C5: variants seen among roughly 807,000 people sequenced by gnomAD.
The protein encoded by C5 is complement C5, also known as C3 and PZP-like alpha-2-macroglobulin domain-containing protein 4.
In C5, 140 loss-of-function variants were observed where a neutral mutation model predicts 218.8. The observed-to-expected ratio is 0.64, with a 90% confidence interval of 0.56 to 0.74. The LOEUF (loss-of-function observed/expected upper bound fraction) is 0.74, where lower values mean the gene tolerates loss of function less well. C5 is among the 30% of genes least tolerant of loss of function. C5 has a pLI of 0.00. For synonymous variants in C5, 614 were observed against 682.3 expected (o/e 0.90, Z 1.56); for missense variants, 1,700 against 1,969.6 (o/e 0.86, Z 2.59).
intron 30 of C5, among the ~76,000 whole-genome samples, chr9:120,973,022 A>T (rs2046926442): frequency 6.6e-6 from 1 of 152,166 alleles, no homozygotes; most frequent in African/African-American, 2.4e-5. Context: ...TTAATCACAT[A>T]CATGTTACAG....
chr9:121,013,196 T>C (rs958639306), intron 17 of C5, among the ~76,000 whole-genome samples: 2 of 151,964 alleles, frequency 1.3e-5, no homozygotes, highest in African/African-American at 4.8e-5. Flanking sequence ...GGCAGGCGCC[T>C]TTAATCCCAG....
At chr9:120,988,116 T>C (rs1035762721) in intron 25 of C5, among the ~76,000 whole-genome samples, 1 of 152,204 alleles carries the variant, frequency 6.6e-6, no homozygotes, top group Non-Finnish European at 1.5e-5. Context: ...TAGACTGCCA[T>C]ATGGACTCTT....
At chr9:121,046,419 T>C (rs749521885) in intron 1 of C5, 36 bp from the exon 2 acceptor site, 1 of 1,398,754 alleles carries the variant, frequency 7.1e-7, no homozygotes, top group South Asian at 1.2e-5. Flanking sequence ...TCAATGTCTT[T>C]ATATGACATA....
chr9:121,009,898 T>A (rs2047247714), intron 17 of C5, among the ~76,000 whole-genome samples: 1 of 152,218 alleles, frequency 6.6e-6, no homozygotes, highest in East Asian at 1.9e-4. Flanking sequence ...TGTTGCACTG[T>A]CACGGTGGAA....
intron 33 of C5, among the ~76,000 whole-genome samples, chr9:120,965,479 C>A (rs1453828120): frequency 6.6e-6 from 1 of 151,806 alleles, no homozygotes; most frequent in Non-Finnish European, 1.5e-5. Context: ...GAGATCGCAC[C>A]ACTGCACTCT....
chr9:121,017,306 C>T (rs2047315748), intron 14 of C5, 56 bp downstream of exon 14: 2 of 1,603,258 alleles, frequency 1.2e-6, no homozygotes, highest in Non-Finnish European at 8.5e-7. Flanking sequence ...TCCTCCATAT[C>T]CTAGCCTGGT....
At chr9:121,005,792 AGT>A (rs762052320) in intron 20 of C5, 125 bp downstream of exon 20, 4 of 868,838 alleles carry the variant, frequency 4.6e-6, no homozygotes, top group Admixed American at 1.9e-5. Flanking sequence ...GCTCATTTTA[AGT>A]GTTTGGTTTC....
chr9:121,055,231 A>T (rs930354926), upstream of C5, among the ~76,000 whole-genome samples: 9 of 152,142 alleles, frequency 5.9e-5, no homozygotes, highest in African/African-American at 2.2e-4. Flanking sequence ...ATACTTCCTC[A>T]GAACCTCTTA....
chr9:121,041,494 AG>A (rs1393715179), intron 3 of C5, among the ~76,000 whole-genome samples: 2 of 151,540 alleles, frequency 1.3e-5, no homozygotes, highest in Non-Finnish European at 2.9e-5. Context: ...TAGTAGAGAC[AG>A]GGTTTCACCA....
intron 9 of C5, among the ~76,000 whole-genome samples, chr9:121,025,161 G>A (rs988814053): frequency 6.6e-6 from 1 of 152,150 alleles, no homozygotes; most frequent in African/African-American, 2.4e-5. Context: ...TCAAGGCAGA[G>A]AGCCTGCAGA....
intron 37 of C5, 149 bp downstream of exon 37, chr9:120,961,333 C>T: frequency 4.4e-6 from 3 of 677,938 alleles, no homozygotes; most frequent in South Asian, 1.6e-5. Context: ...TTACAATGCT[C>T]AAGGAATCAT....
chr9:121,016,882 T>G (rs1211963675), intron 14 of C5, among the ~76,000 whole-genome samples: 1 of 152,186 alleles, frequency 6.6e-6, no homozygotes, highest in East Asian at 1.9e-4. Flanking sequence ...TTCTCAGTCC[T>G]TCCTTCCTTG....
chr9:121,057,249 T>C, the C5 span, among the ~76,000 whole-genome samples: 1 of 152,132 alleles, frequency 6.6e-6, no homozygotes, highest in South Asian at 2.1e-4. Flanking sequence ...GAAAAGGCTA[T>C]TAATGAGCAA....
At chr9:120,999,273 G>A (rs186035504) in intron 20 of C5, among the ~76,000 whole-genome samples, 1 of 152,122 alleles carries the variant, frequency 6.6e-6, no homozygotes, top group South Asian at 2.1e-4. Flanking sequence ...CAAACTACCT[G>A]CAGATACTAG....
rs374700529 is a variant in C5 at position 120,988,303 on chromosome 9, G to A, written c.3230+743C>T. 5.4e-4 allele frequency among the ~76,000 whole-genome samples: 82 copies of A among 152,306 alleles called. No homozygotes were observed. The South Asian group carries it at 0.015, about 28-fold the overall frequency. ...GGGGAGATACACAATAGTGGAATAA[G>A]CAAGAACGTTAGTAATCACACTGAG... is the stretch of plus-strand genomic sequence containing the variant. On this transcript the variant is annotated intron_variant, in intron 25 of 40. Coordinates refer to ENST00000223642, the MANE Select transcript of C5 (RefSeq NM_001735.3).
chr9:120,952,677 A>G lies in C5; in HGVS notation c.*62T>C. The G allele has an allele frequency of 6.3e-7, 1 of 1,582,640 alleles. No homozygotes were observed. The highest frequency in any genetic ancestry group is 8.6e-7 in the Non-Finnish European group (1 of 1,157,526). On this transcript the variant is annotated 3_prime_UTR_variant, in exon 41 of 41. Transcript: ENST00000223642. ...TGTTTAAAAAAAGAAGAAAACAAAAAAACGAACTTCAACAACAGGAGTCCA... is the reference window on the plus strand; with the variant it reads ...TGTTTAAAAAAAGAAGAAAACAAAAGAACGAACTTCAACAACAGGAGTCCA...
rs769466358 is a variant in C5, at chr9:121,044,474, T to TCAACAA, written c.259-1314_259-1309dup. On this transcript the variant is annotated intron_variant, in intron 2 of 40. Coordinates refer to ENST00000223642, the MANE Select transcript of C5 (RefSeq NM_001735.3). ...CTGGGTGACAGAGCGAGACCCTGTCTCAACAACAACAACAACAACAACAAA... is the reference window on the plus strand; with the variant it reads ...CTGGGTGACAGAGCGAGACCCTGTCTCAACAACAACAACAACAACAACAACAACAAA... 5.3e-5 allele frequency among the ~76,000 whole-genome samples: 8 copies of TCAACAA among 151,760 alleles called. No individual in the cohort carries two copies. The South Asian group carries it at 6.2e-4, about 12-fold the overall frequency.
chr9:120,981,861 C>G lies in C5; in HGVS notation c.3469G>C (p.Asp1157His), dbSNP rs764555226. 3 of 1,613,284 alleles carry G rather than the reference C, an allele frequency of 1.9e-6. No homozygotes were observed. Among genetic ancestry groups the G allele is most frequent in the Admixed American group, 1.7e-5 (1 of 60,016 alleles). Residue 1157 changes from aspartate to histidine, a missense_variant, in exon 27 of 41, where the codon GAT becomes CAT. Asp to His is a moderately conservative substitution (Grantham distance 81). Transcript: ENST00000223642. ...FTVIGIRKAF[D>H]ICPLVKIDTA... ...TTACTTACCACCAGGGGGCATATAT[C>G]GAAAGCCTTTCTAATTCCAATCACA...
chr9:121,058,144 C>A, the C5 span, among the ~76,000 whole-genome samples: 3 of 152,318 alleles, frequency 2.0e-5, no homozygotes, highest in South Asian at 6.2e-4. Context: ...GGTGACAACA[C>A]AATAGCTACC....
Sources: gnomAD v4.1 joint callset for allele counts (sites outside exome capture counted in the v4.1 genomes callset) on GRCh38, gnomAD v4.1.1 for gene constraint, MANE v1.5 for transcripts, NCBI Gene and HGNC (gene_info 2026-07-23, HGNC 2026-07-21) for gene names.